INPP4B: variants seen among roughly 807,000 people sequenced by gnomAD.
INPP4B encodes the protein inositol polyphosphate-4-phosphatase type II B, also known as inositol polyphosphate 4-phosphatase type II.
In INPP4B, 55 loss-of-function variants were observed where a neutral mutation model predicts 122.5. That is an observed-to-expected ratio of 0.45 (90% CI 0.36 to 0.56). INPP4B has a LOEUF of 0.56. Among genes scored for constraint, INPP4B ranks in the 20% least tolerant of loss-of-function variants. INPP4B has a pLI of 0.00. For synonymous variants in INPP4B, 403 were observed against 388.7 expected (o/e 1.04, Z -0.43); for missense variants, 1,000 against 1,097.7 (o/e 0.91, Z 1.26).
At chr4:142,776,827 G>A (rs1773991614) in intron 1 of INPP4B, among the ~76,000 whole-genome samples, 1 of 152,048 alleles carries the variant, frequency 6.6e-6, no homozygotes, top group Admixed American at 6.6e-5. Context: ...ATAAAATTTA[G>A]AGTCACACAA....
intron 5 of INPP4B, among the ~76,000 whole-genome samples, chr4:142,421,437 G>C (rs1353507659): frequency 6.6e-6 from 1 of 152,054 alleles, no homozygotes; most frequent in Non-Finnish European, 1.5e-5. Flanking sequence ...CAGCCCCAGA[G>C]GCAGTAAGAC....
chr4:142,670,279 C>A (rs1001063057), intron 2 of INPP4B, among the ~76,000 whole-genome samples: 2 of 152,060 alleles, frequency 1.3e-5, no homozygotes, highest in Non-Finnish European at 2.9e-5. Flanking sequence ...GATCCAGCAA[C>A]CCCACTTTTG....
intron 21 of INPP4B, among the ~76,000 whole-genome samples, chr4:142,116,133 C>A (rs375598376): frequency 6.6e-6 from 1 of 152,102 alleles, no homozygotes; most frequent in Non-Finnish European, 1.5e-5. Context: ...ATATATGCAC[C>A]CAATACAGGA....
intron 9 of INPP4B, among the ~76,000 whole-genome samples, chr4:142,304,910 C>G (rs1341807060): frequency 1.3e-5 from 2 of 152,064 alleles, no homozygotes; most frequent in African/African-American, 2.4e-5. Context: ...AGACTGTTGT[C>G]TCATCTTCTA....
At chr4:142,650,785 C>A (rs1271139091) in intron 2 of INPP4B, among the ~76,000 whole-genome samples, 1 of 152,112 alleles carries the variant, frequency 6.6e-6, no homozygotes, top group Non-Finnish European at 1.5e-5. Context: ...GATTTTAACA[C>A]CCCACTGTCA....
chr4:142,376,810 A>G (rs1438312030), intron 7 of INPP4B, among the ~76,000 whole-genome samples: 1 of 152,036 alleles, frequency 6.6e-6, no homozygotes, highest in African/African-American at 2.4e-5. Flanking sequence ...TGAGCAAATT[A>G]CTCAAATTCA....
chr4:142,769,724 G>A (rs1561048892), intron 1 of INPP4B, among the ~76,000 whole-genome samples: 2 of 152,092 alleles, frequency 1.3e-5, no homozygotes, highest in South Asian at 4.2e-4. Context: ...AGATCAGCTT[G>A]GCCAACATGG....
chr4:142,247,835 T>C lies in INPP4B; in HGVS notation c.689-9824A>G, dbSNP rs1430413144. ...AATTTTTAATGAGACTTAAGGAAAG[T>C]AATATTTTATTCCAAACCTAAATAA... On this transcript the variant is annotated intron_variant, in intron 11 of 25. Coordinates refer to ENST00000262992, the MANE Select transcript of INPP4B (RefSeq NM_001101669.3). 5.3e-5 allele frequency among the ~76,000 whole-genome samples: 8 copies of C among 152,304 alleles called. No individual in the cohort carries two copies. The East Asian group carries it at 1.4e-3, about 26-fold the overall frequency.
intron 14 of INPP4B, among the ~76,000 whole-genome samples, chr4:142,195,454 A>C (rs1031444338): frequency 6.6e-6 from 1 of 152,156 alleles, no homozygotes; most frequent in Non-Finnish European, 1.5e-5. Flanking sequence ...CAGCATCAAC[A>C]ACCAAAAAAA....
At chr4:142,561,213 C>T (rs1269752789) in intron 2 of INPP4B, among the ~76,000 whole-genome samples, 1 of 152,068 alleles carries the variant, frequency 6.6e-6, no homozygotes, top group Non-Finnish European at 1.5e-5. Flanking sequence ...AAATTCTCTA[C>T]TCACTGATTT....
At chr4:142,615,250 T>C in intron 2 of INPP4B, among the ~76,000 whole-genome samples, 1 of 152,262 alleles carries the variant, frequency 6.6e-6, no homozygotes, top group East Asian at 1.9e-4. Context: ...TTTGGTTTTA[T>C]ACATTTTAGA....
chr4:142,362,323 A>T (rs1164369712), intron 7 of INPP4B, among the ~76,000 whole-genome samples: 1 of 152,002 alleles, frequency 6.6e-6, no homozygotes, highest in Non-Finnish European at 1.5e-5. Context: ...AGTTTGGATT[A>T]TGACTCAGTT....
intron 7 of INPP4B, among the ~76,000 whole-genome samples, chr4:142,400,095 C>T (rs889021171): frequency 1.2e-4 from 19 of 152,164 alleles, no homozygotes; most frequent in Admixed American, 1.2e-3. Context: ...ATCAAGAGCA[C>T]AGAGAAAAGG....
chr4:142,116,623 A>G (rs1793624499), intron 21 of INPP4B, among the ~76,000 whole-genome samples: 1 of 152,222 alleles, frequency 6.6e-6, no homozygotes, highest in South Asian at 2.1e-4. Context: ...ATGAGAACAA[A>G]GATACAACAT....
chr4:142,196,438 C>T (rs1481172994), intron 14 of INPP4B, among the ~76,000 whole-genome samples: 1 of 152,160 alleles, frequency 6.6e-6, no homozygotes, highest in Non-Finnish European at 1.5e-5. Context: ...TTCCCTGTGA[C>T]AATTACAGAC....
chr4:142,544,474 C>T (rs1469313208), intron 2 of INPP4B, among the ~76,000 whole-genome samples: 2 of 151,994 alleles, frequency 1.3e-5, no homozygotes, highest in African/African-American at 4.8e-5. Context: ...TCCCAAGTCA[C>T]GGGGTTGCCA....
At chr4:142,757,794 C>G (rs1770721606) in intron 1 of INPP4B, among the ~76,000 whole-genome samples, 1 of 152,170 alleles carries the variant, frequency 6.6e-6, no homozygotes, top group Non-Finnish European at 1.5e-5. Flanking sequence ...ATTGCTGGAT[C>G]TTAGGGTAAG....
intron 5 of INPP4B, among the ~76,000 whole-genome samples, chr4:142,414,380 G>A (rs1224008629): frequency 6.6e-6 from 1 of 152,036 alleles, no homozygotes; most frequent in Non-Finnish European, 1.5e-5. Context: ...TTCACACCCA[G>A]TACCAATTCT....
At chr4:142,265,819 G>A (rs1002489559) in intron 10 of INPP4B, among the ~76,000 whole-genome samples, 2 of 152,164 alleles carry the variant, frequency 1.3e-5, no homozygotes, top group African/African-American at 4.8e-5. Context: ...TCTTTTTAAA[G>A]TTCATGTTCC....
Sources: gnomAD v4.1 joint callset for allele counts (sites outside exome capture counted in the v4.1 genomes callset) on GRCh38, gnomAD v4.1.1 for gene constraint, MANE v1.5 for transcripts, NCBI Gene and HGNC (gene_info 2026-07-23, HGNC 2026-07-21) for gene names.